The following MAGI2 variants were observed in gnomAD, a reference collection of about 807,000 sequenced individuals.
The protein encoded by MAGI2 is membrane-associated guanylate kinase, WW and PDZ domain-containing protein 2.
In MAGI2, 35 loss-of-function variants were observed where a neutral mutation model predicts 133.3. The observed-to-expected ratio is 0.26, with a 90% confidence interval of 0.20 to 0.35. The LOEUF (loss-of-function observed/expected upper bound fraction) is 0.35. MAGI2 is among the 10% of genes least tolerant of loss of function. MAGI2 has a pLI of 1.00. For missense variants in MAGI2, 1,636 were observed against 1,863.4 expected, an observed-to-expected ratio of 0.88 and a Z score of 2.25; for synonymous variants, 729 against 710.6, an observed-to-expected ratio of 1.03 and a Z score of -0.41.
intron 21 of MAGI2, among the ~76,000 whole-genome samples, chr7:78,062,246 AGTTAT>A (rs1813358589): frequency 6.6e-6 from 1 of 152,220 alleles, no homozygotes; most frequent in East Asian, 1.9e-4. Context: ...TAGAAGCTCT[AGTTAT>A]CCGAGGTGGG....
At chr7:78,782,008 A>G (rs942822733) in intron 2 of MAGI2, among the ~76,000 whole-genome samples, 1 of 152,220 alleles carries the variant, frequency 6.6e-6, no homozygotes, top group Non-Finnish European at 1.5e-5. Flanking sequence ...GAAATAGTGA[A>G]AGTAAAATTA....
chr7:78,949,763 C>T (rs1272234919), intron 2 of MAGI2, among the ~76,000 whole-genome samples: 1 of 152,144 alleles, frequency 6.6e-6, no homozygotes, highest in African/African-American at 2.4e-5. Flanking sequence ...CACTGAGTTT[C>T]TACCTGGTGA....
chr7:78,424,538 A>T (rs2151416637), intron 6 of MAGI2, among the ~76,000 whole-genome samples: 1 of 152,270 alleles, frequency 6.6e-6, no homozygotes, highest in Non-Finnish European at 1.5e-5. Context: ...AGAATGGTAG[A>T]TTCATGAAAA....
intron 1 of MAGI2, among the ~76,000 whole-genome samples, chr7:79,347,639 C>T (rs1325953281): frequency 1.3e-5 from 2 of 151,872 alleles, no homozygotes; most frequent in African/African-American, 2.4e-5. Context: ...ACCAGACTTG[C>T]CATGTGGAAG....
chr7:79,057,649 T>A (rs2117040694), intron 1 of MAGI2, among the ~76,000 whole-genome samples: 1 of 152,286 alleles, frequency 6.6e-6, no homozygotes, highest in South Asian at 2.1e-4. Flanking sequence ...TTATCGGTCT[T>A]GAGGTATTTC....
intron 2 of MAGI2, among the ~76,000 whole-genome samples, chr7:79,005,606 T>C (rs1049803505): frequency 4.6e-5 from 7 of 152,228 alleles, no homozygotes; most frequent in African/African-American, 1.4e-4. Context: ...CAGCTTCTTA[T>C]CTATTTTTCT....
chr7:78,264,396 G>A (rs1348960470), intron 9 of MAGI2, among the ~76,000 whole-genome samples: 1 of 152,082 alleles, frequency 6.6e-6, no homozygotes, highest in Non-Finnish European at 1.5e-5. Context: ...GCTTATTATC[G>A]GTCAGAATGC....
chr7:78,263,223 T>TA (rs369921493), intron 9 of MAGI2, among the ~76,000 whole-genome samples: 2 of 152,330 alleles, frequency 1.3e-5, no homozygotes, highest in African/African-American at 4.8e-5. Flanking sequence ...CCACCATTGG[T>TA]AGGCACCTAG....
intron 2 of MAGI2, among the ~76,000 whole-genome samples, chr7:78,766,565 G>A (rs574130355): frequency 7.9e-5 from 12 of 152,192 alleles, no homozygotes; most frequent in African/African-American, 2.9e-4. Flanking sequence ...CCTCTTACTT[G>A]ACAGTACACA....
chr7:78,581,617 G>T (rs1409329825), intron 3 of MAGI2, among the ~76,000 whole-genome samples: 1 of 152,182 alleles, frequency 6.6e-6, no homozygotes, highest in African/African-American at 2.4e-5. Context: ...GATTAGGTAA[G>T]TAGGGGGAAA....
chr7:79,284,866 ATTACT>A (rs1835890756), intron 1 of MAGI2, among the ~76,000 whole-genome samples: 1 of 152,068 alleles, frequency 6.6e-6, no homozygotes, highest in Non-Finnish European at 1.5e-5. Context: ...AGCAGAGAAA[ATTACT>A]TTAGTATCTG....
At chr7:79,217,410 T>A (rs1830105247) in intron 1 of MAGI2, among the ~76,000 whole-genome samples, 1 of 152,074 alleles carries the variant, frequency 6.6e-6, no homozygotes, top group Non-Finnish European at 1.5e-5. Context: ...ATAACAACTA[T>A]CATTGTGTGA....
intron 20 of MAGI2, among the ~76,000 whole-genome samples, chr7:78,098,421 T>C (rs1239794662): frequency 1.3e-5 from 2 of 152,220 alleles, no homozygotes; most frequent in Admixed American, 6.5e-5. Context: ...ATAGAAGATA[T>C]CTGTTCATAT....
chr7:78,891,999 T>C (rs1034006853), intron 2 of MAGI2, among the ~76,000 whole-genome samples: 5 of 152,286 alleles, frequency 3.3e-5, no homozygotes, highest in African/African-American at 9.6e-5. Flanking sequence ...CAGCCCAAAA[T>C]CTCCTTAAGC....
intron 10 of MAGI2, among the ~76,000 whole-genome samples, chr7:78,243,384 G>A (rs1291452633): frequency 2.0e-5 from 3 of 151,876 alleles, no homozygotes; most frequent in Non-Finnish European, 2.9e-5. Context: ...TAAATTCAAA[G>A]CAACTTGTGA....
At chr7:79,216,420 T>C (rs866752493) in intron 1 of MAGI2, among the ~76,000 whole-genome samples, 75 of 152,062 alleles carry the variant, frequency 4.9e-4, no homozygotes, top group Middle Eastern at 3.4e-3. Context: ...GCTGTCACAC[T>C]GGCCCTCTGC....
chr7:78,924,035 T>G (rs941457727), intron 2 of MAGI2, among the ~76,000 whole-genome samples: 2 of 152,098 alleles, frequency 1.3e-5, no homozygotes, highest in African/African-American at 2.4e-5. Flanking sequence ...GATTTTTGTA[T>G]ATTGATTTTG....
chr7:78,031,814 G>A (rs1017969581), intron 21 of MAGI2, among the ~76,000 whole-genome samples: 5 of 152,098 alleles, frequency 3.3e-5, no homozygotes, highest in African/African-American at 1.2e-4. Flanking sequence ...ATTACTCAGA[G>A]GATATTCTTG....
At chr7:78,890,221 A>G (rs1313986056) in intron 2 of MAGI2, among the ~76,000 whole-genome samples, 1 of 152,242 alleles carries the variant, frequency 6.6e-6, no homozygotes, top group Non-Finnish European at 1.5e-5. Flanking sequence ...ACCCAGATTC[A>G]TAAAGCAAGT....
Sources: allele counts gnomAD v4.1 joint callset (sites outside exome capture counted in the v4.1 genomes callset), GRCh38; gene constraint gnomAD v4.1.1; transcripts MANE v1.5; gene names NCBI Gene and HGNC (gene_info 2026-07-23, HGNC 2026-07-21).